Variants in PHKG2 observed in about 807,000 individuals in gnomAD.
PHKG2 encodes phosphorylase kinase catalytic subunit gamma 2.
PHKG2 carries 28 observed loss-of-function variants against 44.5 expected under a neutral mutation model. That is an observed-to-expected ratio of 0.63 (90% CI 0.47 to 0.86). PHKG2 has a LOEUF of 0.86. PHKG2 is among the 40% of genes least tolerant of loss of function. The pLI is 0.00. For synonymous variants in PHKG2, 220 were observed against 211.2 expected (o/e 1.04, Z -0.36); for missense variants, 498 against 547.5 (o/e 0.91, Z 0.90).
chr16:30,749,966 G>C (rs975327854), intron 2 of PHKG2, among the ~76,000 whole-genome samples: 4 of 107,142 alleles, frequency 3.7e-5, no homozygotes, highest in Admixed American at 2.8e-4. Flanking sequence ...TAGGAGTTCA[G>C]GGGGGGGTCT....
chr16:30,758,810 T>G lies in PHKG2; in HGVS notation c.*1713T>G. On this transcript the variant is annotated 3_prime_UTR_variant, in exon 10 of 10. Transcript: ENST00000563588. The stretch of plus-strand genomic sequence containing the variant: ...GCTCAGGCAATCCGCCTGCCTCAGA[T>G]TGTGCTGGGATTACAGGTGTGAGCC... 4 of 842,532 alleles carry G rather than the reference T, an allele frequency of 4.7e-6. No individual in the cohort carries two copies. The highest frequency in any genetic ancestry group is 1.8e-5 in the South Asian group (1 of 54,446). 52.2% of individuals were successfully genotyped at this position (842,532 alleles called of 1,614,324 possible).
chr16:30,759,002 A>G lies in PHKG2; in HGVS notation c.*1905A>G, dbSNP rs538805878. On this transcript the variant is annotated 3_prime_UTR_variant, in exon 10 of 10. Coordinates refer to ENST00000563588, the MANE Select transcript of PHKG2 (RefSeq NM_000294.3). ...AGGGACAGGGCAGCCTGCCCTCTCC[A>G]GATCCTCACTTGGCTCTGGCTCTGG... 2 of 1,614,214 alleles carry G rather than the reference A, an allele frequency of 1.2e-6. No individual in the cohort carries two copies. Among genetic ancestry groups the G allele is most frequent in the South Asian group, 1.1e-5 (1 of 91,092 alleles).
chr16:30,753,618 T>C lies in PHKG2; in HGVS notation c.556+61T>C, dbSNP rs559193568. On this transcript the variant is annotated intron_variant, in intron 6 of 9. Transcript: ENST00000563588. ...GGAGACCCAGGCCTGATGAGATTGG[T>C]TGGCTGGGTCTGAGTACCAAGTCCC... is the stretch of plus-strand genomic sequence containing the variant. 1.6e-4 allele frequency: 249 copies of C among 1,546,536 alleles called. 2 individuals carry two copies. The African/African-American group carries it at 3.1e-3, about 19-fold the overall frequency.
chr16:30,749,184 CTGG>C (rs1191456820), intron 2 of PHKG2, among the ~76,000 whole-genome samples: 3 of 60,814 alleles, frequency 4.9e-5, no homozygotes, highest in East Asian at 4.2e-4. Context: ...GGTGGTGGTG[CTGG>C]TGGTGGTGCT....
At chr16:30,749,004 G>A in intron 2 of PHKG2, 89 bp downstream of exon 2, 1 of 4,334 alleles carries the variant, frequency 2.3e-4, no homozygotes, top group East Asian at 0.014. Flanking sequence ...TTCGCGGGTG[G>A]TGGTGGTGGT....
chr16:30,749,637 C>G (rs2053319207), intron 2 of PHKG2, among the ~76,000 whole-genome samples: 2 of 152,216 alleles, frequency 1.3e-5, no homozygotes, highest in Non-Finnish European at 2.9e-5. Flanking sequence ...AGCCACCGCG[C>G]CTGGTTGACT....
Position 30,759,967 on chromosome 16 carries a change from A to AC in PHKG2, c.*2872dup, listed in dbSNP as rs1336701061. 1.7e-5 allele frequency: 24 copies of AC among 1,450,732 alleles called. No homozygotes were observed. Among genetic ancestry groups the AC allele is most frequent in the Non-Finnish European group, 2.2e-5 (24 of 1,108,874 alleles). 89.9% of individuals were successfully genotyped at this position (1,450,732 alleles called of 1,614,324 possible). Reference sequence around the variant, plus strand: ...CGAAGCTTATATTCTAGGGGAATAAACCAAGAAATAGATCATTTCAGCTAT... The same window carrying AC: ...CGAAGCTTATATTCTAGGGGAATAAACCCAAGAAATAGATCATTTCAGCTAT... On this transcript the variant is annotated 3_prime_UTR_variant, in exon 10 of 10. Transcript: ENST00000563588.
At position 30,759,068 on chromosome 16, in the gene PHKG2, G is replaced by T. The variant is rs755078275; in HGVS notation, c.*1971G>T. ...TAGTTCCTCTTTCTGCGGGGTAACT[G>T]CCTGCTCCTCCATCTCCTTGCTTTC... On this transcript the variant is annotated 3_prime_UTR_variant, in exon 10 of 10. Transcript: ENST00000563588. 16 of 1,614,080 alleles carry T rather than the reference G, an allele frequency of 9.9e-6. No individual in the cohort carries two copies. Among genetic ancestry groups the T allele is most frequent in the African/African-American group, 1.3e-5 (1 of 74,922 alleles).
At position 30,760,250 on chromosome 16, in the gene PHKG2, C is replaced by T. The variant is rs765869402; in HGVS notation, c.*3153C>T. 3.1e-6 allele frequency: 5 copies of T among 1,613,968 alleles called. No homozygotes were observed. The highest frequency in any genetic ancestry group is 2.2e-5 in the East Asian group (1 of 44,894). ...GTGCCAGGCCCGGTTCCTCTTCTCC[C>T]TGGGGCTCAAACCTGGTAGCTGCCC... On this transcript the variant is annotated 3_prime_UTR_variant, in exon 10 of 10. Coordinates refer to ENST00000563588, the MANE Select transcript of PHKG2 (RefSeq NM_000294.3).
Position 30,756,701 on chromosome 16 carries a change from C to A in PHKG2, c.913C>A (p.Arg305Ser). 6.2e-7 allele frequency: 1 copy of A among 1,614,072 alleles called. No individual in the cohort carries two copies. The highest frequency in any genetic ancestry group is 8.5e-7 in the Non-Finnish European group (1 of 1,180,024). ...EGSQPWNLTP[R>S]QRFRVAVWTV... ...CAGCCAACCCTGGAACCTCACCCCC[C>A]GCCAGCGGTTCCGGGTAAGCCTGAG... is the stretch of plus-strand genomic sequence containing the variant. The change falls in exon 9 of 10, where the codon CGC (arginine) becomes AGC (serine). Residue 305 changes from arginine to serine, a missense_variant. Transcript: ENST00000563588.
chr16:30,756,792 C>T lies in PHKG2; in HGVS notation c.928-12C>T, dbSNP rs1484078522. Reference sequence around the variant, plus strand: ...TCCCCTGCACTAGAGCTCACCCTGCCCCCCTTCCCAGGTGGCAGTGTGGAC... The same window carrying T: ...TCCCCTGCACTAGAGCTCACCCTGCTCCCCTTCCCAGGTGGCAGTGTGGAC... On this transcript the variant is annotated splice_polypyrimidine_tract_variant and intron_variant, in intron 9 of 9. Transcript: ENST00000563588. 4 of 1,614,000 alleles carry T rather than the reference C, an allele frequency of 2.5e-6. No individual in the cohort carries two copies. In the African/African-American group the frequency reaches 4.0e-5, roughly 16 times the overall value.
rs534288126 is a variant in PHKG2 at position 30,761,173 on chromosome 16, G to A, written c.*4076G>A. ...ACAATAAAGAACGCAAATATTCAGT[G>A]TAATTTTTGTCTCTTCACACTCACC... On this transcript the variant is annotated 3_prime_UTR_variant, in exon 10 of 10. Coordinates refer to ENST00000563588, the MANE Select transcript of PHKG2 (RefSeq NM_000294.3). 1.5e-4 allele frequency: 247 copies of A among 1,612,786 alleles called. 2 individuals are homozygous for A. In the South Asian group the frequency reaches 2.5e-3, roughly 16 times the overall value.
rs368978135 is a variant in PHKG2 at position 30,755,233 on chromosome 16, C to T, written c.557-949C>T. 2 of 192,100 alleles carry T rather than the reference C, an allele frequency of 1.0e-5. 1 individual carries two copies. The highest frequency in any genetic ancestry group is 1.1e-4 in the Admixed American group (2 of 18,462). 11.9% of individuals were successfully genotyped at this position (192,100 alleles called of 1,614,324 possible). ...CTCCAGCCTGTGTGACATAGCGACC[C>T]TGTCTCTAAAAATAAATAAATATAA... On this transcript the variant is annotated intron_variant, in intron 6 of 9. Coordinates refer to ENST00000563588, the MANE Select transcript of PHKG2 (RefSeq NM_000294.3).
chr16:30,760,436 A>G lies in PHKG2; in HGVS notation c.*3339A>G, dbSNP rs140316897. On this transcript the variant is annotated 3_prime_UTR_variant, in exon 10 of 10. Transcript: ENST00000563588. Reference sequence around the variant, plus strand: ...GCTCTGCTCAGGACACCCTAGCTCCAGCAGCTCAGCCAGCACCCTTGGGAG... The same window carrying G: ...GCTCTGCTCAGGACACCCTAGCTCCGGCAGCTCAGCCAGCACCCTTGGGAG... 600 of 1,614,014 alleles carry G rather than the reference A, an allele frequency of 3.7e-4. No homozygotes were observed. Among genetic ancestry groups the G allele is most frequent in the Non-Finnish European group, 4.8e-4 (564 of 1,179,994 alleles).
intron 3 of PHKG2, 106 bp downstream of exon 3, chr16:30,751,387 C>T: frequency 7.3e-7 from 1 of 1,364,188 alleles, no homozygotes; most frequent in Non-Finnish European, 1.0e-6. Context: ...CTCCTCCCTT[C>T]ATTCCACTAA....
Position 30,751,263 on chromosome 16 carries a change from G to A in PHKG2, c.253G>A (p.Ala85Thr), listed in dbSNP as rs535265672. The A allele has an allele frequency of 5.2e-5, 83 of 1,610,386 alleles. No homozygotes were observed. Among genetic ancestry groups the A allele is most frequent in the Admixed American group, 2.7e-4 (16 of 60,024 alleles). Residue 85 changes from alanine to threonine, a missense_variant, in exon 3 of 10, where the codon GCC becomes ACC. By Grantham distance (58) the Ala-to-Thr change is moderately conservative. Coordinates refer to ENST00000563588, the MANE Select transcript of PHKG2 (RefSeq NM_000294.3). ...RRETHILRQVAGHPHIITLID... is the reference protein window; with the variant it reads ...RRETHILRQVTGHPHIITLID... ...AGAGACACACATCCTTCGCCAGGTC[G>A]CCGGCCACCCCCACATCAGTGAGGC...
At position 30,758,120 on chromosome 16, in the gene PHKG2, G is replaced by C. The variant is rs1475887217; in HGVS notation, c.*1023G>C. The C allele has an allele frequency of 6.8e-6, 1 of 147,396 alleles. No homozygotes were observed. Among genetic ancestry groups the C allele is most frequent in the South Asian group, 2.1e-4 (1 of 4,814 alleles). 9.1% of individuals were successfully genotyped at this position (147,396 alleles called of 1,614,324 possible). On this transcript the variant is annotated 3_prime_UTR_variant, in exon 10 of 10. Coordinates refer to ENST00000563588, the MANE Select transcript of PHKG2 (RefSeq NM_000294.3). ...GGAGTCTTGCTTTATCCCCCAGGCT[G>C]GAGTGCAGTGGCAGCGATCTCAGCT...
chr16:30,756,353 AGTC>A lies in PHKG2; in HGVS notation c.648-13_648-11del. 6.2e-7 allele frequency: 1 copy of A among 1,614,022 alleles called. No homozygotes were observed. Among genetic ancestry groups the A allele is most frequent in the Middle Eastern group, 1.6e-4 (1 of 6,062 alleles). On this transcript the variant is annotated splice_polypyrimidine_tract_variant and intron_variant, in intron 7 of 9. Transcript: ENST00000563588. ...CCGTCACCTAGTCCCGCCTGACTCC[AGTC>A]TCTTTCCCAGCTGGGCCTGTGGGGT...
chr16:30,753,064 C>T (rs2053372450), intron 4 of PHKG2, 168 bp from the exon 5 acceptor site: 1 of 688,942 alleles, frequency 1.5e-6, no homozygotes, highest in Admixed American at 2.0e-5. Context: ...GCTGCCAACA[C>T]ACCAGGCCAA....
Sources: allele counts gnomAD v4.1 joint callset (sites outside exome capture counted in the v4.1 genomes callset), GRCh38; gene constraint gnomAD v4.1.1; transcripts MANE v1.5; gene names NCBI Gene and HGNC (gene_info 2026-07-23, HGNC 2026-07-21).